MGAT4C: variants seen among roughly 807,000 people sequenced by gnomAD.
MGAT4C encodes MGAT4 family member C, also known as alpha-1,3-mannosyl-glycoprotein 4-beta-N-acetylglucosaminyltransferase C.
In MGAT4C, 19 loss-of-function variants were observed where a neutral mutation model predicts 40.1. That is an observed-to-expected ratio of 0.47 (90% CI 0.33 to 0.70). The LOEUF is 0.70. MGAT4C is among the 30% of genes least tolerant of loss of function. The pLI is 0.02. For missense variants in MGAT4C, 491 were observed against 563.2 expected (o/e 0.87, Z 1.30); for synonymous variants, 181 against 187.1 (o/e 0.97, Z 0.27).
chr12:86,614,022 A>C (rs2136479002), intron 2 of MGAT4C, among the ~76,000 whole-genome samples: 1 of 152,330 alleles, frequency 6.6e-6, no homozygotes, highest in African/African-American at 2.4e-5. Flanking sequence ...TTTAGTACAC[A>C]AAATTTATGC....
chr12:86,679,369 T>C (rs1189528542), intron 2 of MGAT4C, among the ~76,000 whole-genome samples: 1 of 152,120 alleles, frequency 6.6e-6, no homozygotes, highest in Non-Finnish European at 1.5e-5. Context: ...GACCAGATCA[T>C]AGATCATGTC....
intron 2 of MGAT4C, among the ~76,000 whole-genome samples, chr12:86,021,869 TA>T (rs1417589536): frequency 5.3e-5 from 8 of 152,224 alleles, no homozygotes; most frequent in Non-Finnish European, 1.2e-4. Flanking sequence ...CACACATTTT[TA>T]CTGTACATTT....
chr12:86,205,170 T>C (rs1950204213), intron 1 of MGAT4C, among the ~76,000 whole-genome samples: 1 of 151,904 alleles, frequency 6.6e-6, no homozygotes. Flanking sequence ...GTTTTATAAC[T>C]CATGAAACAT....
intron 3 of MGAT4C, among the ~76,000 whole-genome samples, chr12:86,392,188 T>C (rs1238064592): frequency 2.6e-5 from 4 of 152,092 alleles, no homozygotes; most frequent in Non-Finnish European, 5.9e-5. Flanking sequence ...TTAGGTAATG[T>C]CGGCCAGATG....
intron 2 of MGAT4C, among the ~76,000 whole-genome samples, chr12:86,716,410 A>C (rs1455540617): frequency 6.6e-6 from 1 of 152,100 alleles, no homozygotes; most frequent in Admixed American, 6.6e-5. Flanking sequence ...GGTGTTCATT[A>C]ATCTTTGAAA....
At chr12:86,441,421 A>G (rs1957225857) in intron 2 of MGAT4C, among the ~76,000 whole-genome samples, 1 of 151,628 alleles carries the variant, frequency 6.6e-6, no homozygotes, top group Non-Finnish European at 1.5e-5. Flanking sequence ...ATATGTATAC[A>G]TGTGCCATGT....
At position 86,521,675 on chromosome 12, in the gene MGAT4C, T is replaced by G. The variant is rs549114037; in HGVS notation, c.-228-86410A>C. ...TAATATTTAATATATAAATATTTAA[T>G]CTATAAATTGCTTTGGGCAGTATGG... On this transcript the variant is annotated intron_variant, in intron 2 of 7. Transcript: ENST00000548651. Among the ~76,000 whole-genome samples the G allele has an allele frequency of 9.5e-4, 145 of 152,144 alleles. No individual in the cohort carries two copies. The South Asian group carries it at 0.013, about 14-fold the overall frequency.
chr12:86,817,785 A>G (rs1698596049), intron 1 of MGAT4C, among the ~76,000 whole-genome samples: 1 of 151,492 alleles, frequency 6.6e-6, no homozygotes, highest in Admixed American at 6.6e-5. Context: ...ATTGAAAATC[A>G]CAGTAGTACT....
At chr12:86,406,564 A>T (rs1309325291) in intron 3 of MGAT4C, among the ~76,000 whole-genome samples, 1 of 152,072 alleles carries the variant, frequency 6.6e-6, no homozygotes. Context: ...TTTTTTAGCC[A>T]TTTAGTGGAA....
At chr12:86,099,190 A>C (rs1330470190) in intron 1 of MGAT4C, among the ~76,000 whole-genome samples, 1 of 151,414 alleles carries the variant, frequency 6.6e-6, no homozygotes, top group Non-Finnish European at 1.5e-5. Context: ...AAATTTATAC[A>C]ACTTTCCAAA....
chr12:86,211,321 G>A (rs1386736966), intron 1 of MGAT4C, among the ~76,000 whole-genome samples: 3 of 147,614 alleles, frequency 2.0e-5, no homozygotes, highest in Non-Finnish European at 4.5e-5. Flanking sequence ...CTAGCACTCT[G>A]GGAGGCCGAG....
chr12:86,286,743 C>A (rs1356217878), intron 4 of MGAT4C, among the ~76,000 whole-genome samples: 1 of 151,768 alleles, frequency 6.6e-6, no homozygotes, highest in African/African-American at 2.4e-5. Context: ...CCCTCCCACC[C>A]CCACCCCCTT....
intron 3 of MGAT4C, among the ~76,000 whole-genome samples, chr12:86,365,492 A>C (rs375892906): frequency 9.2e-5 from 14 of 152,320 alleles, no homozygotes; most frequent in Non-Finnish European, 1.5e-4. Flanking sequence ...TGGGGAAGTG[A>C]TAAGTGTCCA....
At chr12:86,833,992 T>A (rs1230666549) in intron 1 of MGAT4C, among the ~76,000 whole-genome samples, 2 of 151,884 alleles carry the variant, frequency 1.3e-5, no homozygotes, top group African/African-American at 2.4e-5. Flanking sequence ...CATATTGTCA[T>A]AAATGACCAA....
At chr12:86,550,135 C>T (rs1480249992) in intron 2 of MGAT4C, among the ~76,000 whole-genome samples, 6 of 152,104 alleles carry the variant, frequency 3.9e-5, no homozygotes, top group Non-Finnish European at 5.9e-5. Context: ...TTCCTGCTGC[C>T]TCGTGAAGAA....
chr12:86,636,702 C>A (rs896723002), intron 2 of MGAT4C, among the ~76,000 whole-genome samples: 1 of 151,844 alleles, frequency 6.6e-6, no homozygotes, highest in Non-Finnish European at 1.5e-5. Flanking sequence ...AACTGAATAA[C>A]CTTTATAAAA....
rs1199971835 is a variant in MGAT4C at position 85,972,835 on chromosome 12, T to C, written c.*6454A>G. ...AACGTGGAATAACAAAGTTTAAGTGTGGCAGAAAATACATACATATGTTTA... is the reference window on the plus strand; with the variant it reads ...AACGTGGAATAACAAAGTTTAAGTGCGGCAGAAAATACATACATATGTTTA... On this transcript the variant is annotated 3_prime_UTR_variant, in exon 5 of 5. Coordinates refer to ENST00000611864, the MANE Select transcript of MGAT4C (RefSeq NM_001351288.2). 1.3e-5 allele frequency: 2 copies of C among 151,010 alleles called. No homozygotes were observed. Among genetic ancestry groups the C allele is most frequent in the Middle Eastern group, 3.2e-3 (1 of 316 alleles). 9.4% of individuals were successfully genotyped at this position (151,010 alleles called of 1,614,324 possible).
At chr12:86,671,007 A>G (rs1964243277) in intron 2 of MGAT4C, among the ~76,000 whole-genome samples, 1 of 152,198 alleles carries the variant, frequency 6.6e-6, no homozygotes, top group South Asian at 2.1e-4. Flanking sequence ...TATTTATACC[A>G]TTCTATTTTC....
At chr12:86,431,132 C>G (rs1957029815) in intron 3 of MGAT4C, among the ~76,000 whole-genome samples, 1 of 152,166 alleles carries the variant, frequency 6.6e-6, no homozygotes, top group African/African-American at 2.4e-5. Context: ...GGGACTCAAA[C>G]TAGGTGAAAT....
Sources: gnomAD v4.1 joint callset for allele counts (sites outside exome capture counted in the v4.1 genomes callset) on GRCh38, gnomAD v4.1.1 for gene constraint, MANE v1.5 for transcripts, NCBI Gene and HGNC (gene_info 2026-07-23, HGNC 2026-07-21) for gene names.